TIGD6: variants seen among roughly 807,000 people sequenced by gnomAD.
TIGD6 encodes tigger transposable element-derived protein 6.
Under a neutral mutation model 2.6 loss-of-function variants are expected in TIGD6, and 1 was observed. That is an observed-to-expected ratio of 0.39 (90% CI 0.14 to 1.85). TIGD6 has a LOEUF of 1.85. Ranked by LOEUF, TIGD6 falls within the 40% of genes most tolerant of loss-of-function variation. The pLI, the probability that TIGD6 is intolerant of heterozygous loss-of-function variation, is 0.32. For missense variants in TIGD6, 601 were observed against 634.2 expected (o/e 0.95, Z 0.56); for synonymous variants, 193 against 221.9 (o/e 0.87, Z 1.16).
In TIGD6 at chr5:149,995,091, AG is replaced by A; in HGVS notation, c.1257del (p.Phe420LeufsTer65). The part of the protein sequence containing the change: ...TCVPNEVNFQ[D>X]FVTADDDLII... The stretch of plus-strand genomic sequence containing the variant: ...ATGAGATCATCATCTGCAGTAACAA[AG>A]TCCTGGAAATTTACTTCATTTGGGA... On this transcript the variant is annotated frameshift_variant, in exon 2 of 2. Coordinates refer to ENST00000296736, the MANE Select transcript of TIGD6 (RefSeq NM_030953.4). LOFTEE classifies it low-confidence loss of function (END_TRUNC). The A allele has an allele frequency of 6.2e-7, 1 of 1,614,264 alleles. No homozygotes were observed. Among genetic ancestry groups the A allele is most frequent in the Non-Finnish European group, 8.5e-7 (1 of 1,180,050 alleles).
chr5:149,995,498 T>C lies in TIGD6; in HGVS notation c.851A>G (p.Asp284Gly). The C allele has an allele frequency of 6.2e-7, 1 of 1,614,246 alleles. No individual in the cohort carries two copies. The highest frequency in any genetic ancestry group is 8.5e-7 in the Non-Finnish European group (1 of 1,180,048). The change falls in exon 2 of 2, where the codon GAC becomes GGC. Residue 284 changes from aspartate to glycine, a missense_variant. By Grantham distance (94) the Asp-to-Gly change is moderately conservative (BLOSUM62 -1). Coordinates refer to ENST00000296736, the MANE Select transcript of TIGD6 (RefSeq NM_030953.4). The stretch of plus-strand genomic sequence containing the variant: ...AAGCATGTTATGAGCAGAGCAGTTG[T>C]CTATGAGCAAGAGGATCCGGCGTTC... ...RAERRILLLI[D>G]NCSAHNMLPH... is the part of the protein sequence containing the mutation.
At position 149,995,069 on chromosome 5, in the gene TIGD6, A is replaced by G. The variant is rs1755349785; in HGVS notation, c.1280T>C (p.Leu427Pro). 3 of 1,614,236 alleles carry G rather than the reference A, an allele frequency of 1.9e-6. No individual in the cohort carries two copies. The highest frequency in any genetic ancestry group is 2.5e-6 in the Non-Finnish European group (3 of 1,180,050). ...GATGTCTGTGTCCTGAGAGATAATG[A>G]GATCATCATCTGCAGTAACAAAGTC... ...FQDFVTADDD[L>P]IISQDTDIIQ... is the part of the protein sequence containing the mutation. Residue 427 changes from leucine (L) to proline (P), a missense_variant, in exon 2 of 2, where the codon CTC becomes CCC. By Grantham distance (98) the Leu-to-Pro change is moderately conservative. Coordinates refer to ENST00000296736, the MANE Select transcript of TIGD6 (RefSeq NM_030953.4).
In TIGD6 at chr5:149,996,184, T is replaced by A; in HGVS notation, c.165A>T (p.Glu55Asp). ...CCACGGATGCCTCCCGCACCTTTTC[T>A]TCAAATTTGGTGCGATCCTTTAAGA... is the stretch of plus-strand genomic sequence containing the variant. Reference protein sequence around the residue: ...STFLKDRTKFEEKVREASVGP... With the variant: ...STFLKDRTKFDEKVREASVGP... The change falls in exon 2 of 2, where the codon GAA (glutamate) becomes GAT (aspartate). Residue 55 changes from glutamate (E) to aspartate (D), a missense_variant. Transcript: ENST00000296736. 6.2e-7 allele frequency: 1 copy of A among 1,614,242 alleles called. No individual in the cohort carries two copies. The highest frequency in any genetic ancestry group is 1.3e-5 in the African/African-American group (1 of 75,072).
chr5:149,998,566 CAAA>C (rs1755454333), intron 1 of TIGD6, among the ~76,000 whole-genome samples: 1 of 152,302 alleles, frequency 6.6e-6, no homozygotes, highest in East Asian at 1.9e-4. Flanking sequence ...GAATTTAAAA[CAAA>C]CAGTCCCCCT....
chr5:149,995,313 C>T lies in TIGD6; in HGVS notation c.1036G>A (p.Glu346Lys). ...TCGATGGCCTGCTTGATGTCCACCT[C>T]TTCTTGATCCTCACTGCTGTTGAGC... Reference protein sequence around the residue: ...LKLNSSEDQEEVDIKQAIDMI... With the variant: ...LKLNSSEDQEKVDIKQAIDMI... The change falls in exon 2 of 2, where the codon GAG (glutamate) becomes AAG (lysine). Residue 346 changes from glutamate (E) to lysine (K), a missense_variant. Physicochemically the swap from Glu to Lys is moderately conservative, Grantham distance 56. Coordinates refer to ENST00000296736, the MANE Select transcript of TIGD6 (RefSeq NM_030953.4). The T allele has an allele frequency of 1.9e-6, 3 of 1,562,000 alleles. No individual in the cohort carries two copies. Among genetic ancestry groups the T allele is most frequent in the Non-Finnish European group, 2.6e-6 (3 of 1,150,326 alleles).
chr5:149,996,565 C>A (rs1755396620), intron 1 of TIGD6, 136 bp from the exon 2 acceptor site: 1 of 599,288 alleles, frequency 1.7e-6, no homozygotes, highest in African/African-American at 1.9e-5. Flanking sequence ...ATGCTACTGA[C>A]TTTTTGTAGA....
intron 1 of TIGD6, 55 bp from the exon 2 acceptor site, chr5:149,996,484 T>C (rs1242568974): frequency 2.1e-5 from 27 of 1,289,412 alleles, no homozygotes; most frequent in Non-Finnish European, 2.7e-5. Context: ...CCCTAAAAGA[T>C]GGTTCAGGAT....
Position 149,996,299 on chromosome 5 carries a change from T to C in TIGD6, c.50A>G (p.Lys17Arg). The C allele has an allele frequency of 6.2e-7, 1 of 1,613,648 alleles. No homozygotes were observed. The highest frequency in any genetic ancestry group is 8.5e-7 in the Non-Finnish European group (1 of 1,179,894). The change falls in exon 2 of 2, where the codon AAA (lysine) becomes AGA (arginine). Residue 17 changes from lysine (K) to arginine (R), a missense_variant. Physicochemically the swap from Lys to Arg is conservative, Grantham distance 26. Coordinates refer to ENST00000296736, the MANE Select transcript of TIGD6 (RefSeq NM_030953.4). ...KKRRQFSLEE[K>R]MKVVGAVDSG... is the part of the protein sequence containing the mutation. ...GTCTACAGCTCCCACAACTTTCATT[T>C]TCTCCTCCAGAGAGAACTGCCGACG...
chr5:149,999,317 C>G (rs1755478739), intron 1 of TIGD6, among the ~76,000 whole-genome samples: 2 of 152,068 alleles, frequency 1.3e-5, no homozygotes, highest in South Asian at 4.1e-4. Flanking sequence ...GCAGGCTAAA[C>G]CAGTAGGCCA....
Position 149,994,036 on chromosome 5 carries a change from T to C in TIGD6, c.*747A>G, listed in dbSNP as rs768743861. On this transcript the variant is annotated 3_prime_UTR_variant, in exon 2 of 2. Transcript: ENST00000296736. ...AACAGTTGATTCTTTTTTTAACAAT[T>C]AGTGATGGGGGAGTATTCAGATGGC... The C allele has an allele frequency of 6.6e-6, 1 of 152,104 alleles. No individual in the cohort carries two copies. The highest frequency in any genetic ancestry group is 1.5e-5 in the Non-Finnish European group (1 of 68,026). 9.4% of individuals were successfully genotyped at this position (152,104 alleles called of 1,614,324 possible).
Position 149,996,313 on chromosome 5 carries a change from G to C in TIGD6, c.36C>G (p.Phe12Leu). 1 of 1,612,400 alleles carries C rather than the reference G, an allele frequency of 6.2e-7. No individual in the cohort carries two copies. Among genetic ancestry groups the C allele is most frequent in the Non-Finnish European group, 8.5e-7 (1 of 1,179,344 alleles). The change falls in exon 2 of 2, where the codon TTC becomes TTG. Residue 12 changes from phenylalanine to leucine, a missense_variant. By Grantham distance (22) the Phe-to-Leu change is conservative. Transcript: ENST00000296736. ...CAACTTTCATTTTCTCCTCCAGAGA[G>C]AACTGCCGACGCTTCTTGTTCCCCT... ...ANKGNKKRRQFSLEEKMKVVG... is the reference protein window; with the variant it reads ...ANKGNKKRRQLSLEEKMKVVG...
chr5:149,996,180 T>C lies in TIGD6; in HGVS notation c.169A>G (p.Lys57Glu), dbSNP rs1581238538. 37 of 1,614,232 alleles carry C rather than the reference T, an allele frequency of 2.3e-5. No individual in the cohort carries two copies. Among genetic ancestry groups the C allele is most frequent in the Non-Finnish European group, 3.1e-5 (37 of 1,180,032 alleles). Residue 57 changes from lysine to glutamate, a missense_variant, in exon 2 of 2, where the codon AAG (lysine) becomes GAG (glutamate). Coordinates refer to ENST00000296736, the MANE Select transcript of TIGD6 (RefSeq NM_030953.4). Reference sequence around the variant, plus strand: ...GGTCCCACGGATGCCTCCCGCACCTTTTCTTCAAATTTGGTGCGATCCTTT... The same window carrying C: ...GGTCCCACGGATGCCTCCCGCACCTCTTCTTCAAATTTGGTGCGATCCTTT... ...FLKDRTKFEE[K>E]VREASVGPQR...
chr5:149,997,450 A>ATGGTG (rs1755417118), intron 1 of TIGD6, among the ~76,000 whole-genome samples: 3 of 151,800 alleles, frequency 2.0e-5, no homozygotes, highest in African/African-American at 7.3e-5. Context: ...AGGCAGGAGA[A>ATGGTG]TCACTTGAAC....
chr5:149,999,162 A>T (rs1311030110), intron 1 of TIGD6, among the ~76,000 whole-genome samples: 2 of 152,196 alleles, frequency 1.3e-5, no homozygotes, highest in Non-Finnish European at 2.9e-5. Flanking sequence ...CTTTGGGGGC[A>T]TTAAGAGGCT....
chr5:149,996,200 T>A lies in TIGD6; in HGVS notation c.149A>T (p.Asp50Val). The A allele has an allele frequency of 6.2e-7, 1 of 1,614,234 alleles. No individual in the cohort carries two copies. Among genetic ancestry groups the A allele is most frequent in the South Asian group, 1.1e-5 (1 of 91,084 alleles). ...CACCTTTTCTTCAAATTTGGTGCGA[T>A]CCTTTAAGAATGTAGATAAAGTAGA... ...TPSTLSTFLK[D>V]RTKFEEKVRE... The change falls in exon 2 of 2, where the codon GAT becomes GTT. Residue 50 changes from aspartate to valine, a missense_variant. Physicochemically the swap from Asp to Val is radical, Grantham distance 152. Transcript: ENST00000296736.
At chr5:149,997,304 G>A (rs939963333) in intron 1 of TIGD6, among the ~76,000 whole-genome samples, 11 of 152,218 alleles carry the variant, frequency 7.2e-5, no homozygotes, top group African/African-American at 2.7e-4. Context: ...GCTCATGACT[G>A]TAATCCCAGC....
rs1292971186 is a variant in TIGD6 at position 149,993,984 on chromosome 5, G to A, written c.*799C>T. ...TTGTAGTGCTTCCAGCAAATCAGCAGAAAGGAAAAAAGAGCTCTAGAGTAA... is the reference window on the plus strand; with the variant it reads ...TTGTAGTGCTTCCAGCAAATCAGCAAAAAGGAAAAAAGAGCTCTAGAGTAA... On this transcript the variant is annotated 3_prime_UTR_variant, in exon 2 of 2. Coordinates refer to ENST00000296736, the MANE Select transcript of TIGD6 (RefSeq NM_030953.4). 1 of 152,082 alleles carries A rather than the reference G, an allele frequency of 6.6e-6. No individual in the cohort carries two copies. The highest frequency in any genetic ancestry group is 1.5e-5 in the Non-Finnish European group (1 of 68,002). 9.4% of individuals were successfully genotyped at this position (152,082 alleles called of 1,614,324 possible).
intron 1 of TIGD6, among the ~76,000 whole-genome samples, chr5:149,996,767 C>T (rs1049987878): frequency 6.6e-6 from 1 of 152,240 alleles, no homozygotes; most frequent in Non-Finnish European, 1.5e-5. Flanking sequence ...TATTCTCCAG[C>T]TTCTTTGATG....
Position 149,996,157 on chromosome 5 carries a change from TC to T in TIGD6, c.191del (p.Gly64AspfsTer7), listed in dbSNP as rs33910807. On this transcript the variant is annotated frameshift_variant, in exon 2 of 2. Coordinates refer to ENST00000296736, the MANE Select transcript of TIGD6 (RefSeq NM_030953.4). LOFTEE classifies it low-confidence loss of function (END_TRUNC). ...FEEKVREASV[G>X]PQRKRMRSAL... ...CGCTCCTCATCCTTTTCCGCTGGGG[TC>T]CCACGGATGCCTCCCGCACCTTTTC... 25,558 of 1,613,956 alleles carry T rather than the reference TC, an allele frequency of 0.016. 3,309 individuals are homozygous for T. In the African/African-American group the frequency reaches 0.29, roughly 18 times the overall value.
Sources: gnomAD v4.1 joint callset for allele counts (sites outside exome capture counted in the v4.1 genomes callset) on GRCh38, gnomAD v4.1.1 for gene constraint, MANE v1.5 for transcripts, NCBI Gene and HGNC (gene_info 2026-07-23, HGNC 2026-07-21) for gene names.